The following NCAM2 variants were observed in gnomAD, a reference collection of about 807,000 sequenced individuals.
NCAM2 encodes the protein neural cell adhesion molecule 2.
In NCAM2, 30 loss-of-function variants were observed where a neutral mutation model predicts 98.1. That is an observed-to-expected ratio of 0.31 (90% CI 0.23 to 0.41). The LOEUF (loss-of-function observed/expected upper bound fraction) is 0.41, where lower values mean the gene tolerates loss of function less well. NCAM2 is among the 10% of genes least tolerant of loss of function. NCAM2 has a pLI of 1.00. For missense variants in NCAM2, 867 were observed against 1,005.8 expected (o/e 0.86, Z 1.87); for synonymous variants, 368 against 342.4 (o/e 1.07, Z -0.83).
intron 1 of NCAM2, among the ~76,000 whole-genome samples, chr21:21,178,989 C>T (rs1323538589): frequency 2.0e-5 from 3 of 151,904 alleles, no homozygotes; most frequent in African/African-American, 7.3e-5. Flanking sequence ...GAGATGAAAG[C>T]TCATAATATT....
intron 1 of NCAM2, among the ~76,000 whole-genome samples, chr21:21,112,741 G>C (rs1451716170): frequency 6.6e-6 from 1 of 152,118 alleles, no homozygotes; most frequent in African/African-American, 2.4e-5. Flanking sequence ...AGATCATAAA[G>C]AATGCCCCAT....
chr21:21,484,318 A>C (rs1384187274), intron 15 of NCAM2, among the ~76,000 whole-genome samples: 1 of 152,116 alleles, frequency 6.6e-6, no homozygotes, highest in Non-Finnish European at 1.5e-5. Context: ...CTTTGTGTAA[A>C]TCTTGCATTA....
intron 1 of NCAM2, among the ~76,000 whole-genome samples, chr21:21,264,943 G>GTA (rs554315782): frequency 2.4e-4 from 2 of 8,420 alleles, no homozygotes; most frequent in Admixed American, 1.2e-3. Context: ...ATATGTGTGT[G>GTA]TATATATATG....
chr21:21,192,118 T>C (rs187191980), intron 1 of NCAM2, among the ~76,000 whole-genome samples: 1,537 of 151,916 alleles, frequency 0.01, 18 homozygotes, highest in Middle Eastern at 0.031. Flanking sequence ...AGCTACCCGG[T>C]AGGCTGAAGC....
At chr21:21,452,565 G>A (rs1381217371) in intron 12 of NCAM2, among the ~76,000 whole-genome samples, 1 of 95,830 alleles carries the variant, frequency 1.0e-5, no homozygotes, top group African/African-American at 3.8e-5. Context: ...ACTATATATA[G>A]TATATATATT....
chr21:21,465,101 T>G (rs1212978553), intron 12 of NCAM2, among the ~76,000 whole-genome samples: 1 of 152,144 alleles, frequency 6.6e-6, no homozygotes, highest in Non-Finnish European at 1.5e-5. Context: ...TTTAATTTTT[T>G]TTGTTGATTT....
intron 8 of NCAM2, among the ~76,000 whole-genome samples, chr21:21,352,787 C>A (rs1468856544): frequency 1.4e-5 from 2 of 146,098 alleles, no homozygotes; most frequent in Non-Finnish European, 3.0e-5. Context: ...GCACATGTAC[C>A]CTAAAACTTA....
chr21:21,279,005 A>G (rs2072831489), intron 1 of NCAM2, among the ~76,000 whole-genome samples: 1 of 152,100 alleles, frequency 6.6e-6, no homozygotes, highest in African/African-American at 2.4e-5. Context: ...ATGTCAGACT[A>G]CACCCCCAGA....
At chr21:21,464,444 T>A (rs907691957) in intron 12 of NCAM2, among the ~76,000 whole-genome samples, 3 of 152,130 alleles carry the variant, frequency 2.0e-5, no homozygotes, top group Admixed American at 1.3e-4. Context: ...TTATCTGATT[T>A]AATTAATAAA....
intron 8 of NCAM2, among the ~76,000 whole-genome samples, chr21:21,369,481 G>A (rs1437478917): frequency 1.3e-5 from 2 of 151,406 alleles, no homozygotes; most frequent in Admixed American, 6.6e-5. Context: ...ATTTCTCTTT[G>A]GAATGTAATT....
intron 16 of NCAM2, among the ~76,000 whole-genome samples, chr21:21,523,521 A>G (rs1256158799): frequency 6.6e-6 from 1 of 151,598 alleles, no homozygotes; most frequent in Admixed American, 6.6e-5. Context: ...TAAATTAAAA[A>G]CTTTTACTTT....
chr21:21,263,736 T>C (rs144288801), intron 1 of NCAM2, among the ~76,000 whole-genome samples: 61 of 152,174 alleles, frequency 4.0e-4, no homozygotes, highest in African/African-American at 1.4e-3. Context: ...TTCTCAAAGT[T>C]GACAAAAATA....
chr21:21,489,416 C>T (rs540647208), intron 15 of NCAM2, among the ~76,000 whole-genome samples: 206 of 151,792 alleles, frequency 1.4e-3, no homozygotes, highest in African/African-American at 4.6e-3. Context: ...TCTTTCTCTC[C>T]ATTTCTCTCT....
In NCAM2 at chr21:21,410,423, T is replaced by C; in HGVS notation, c.1345T>C (p.Leu449=). Residue 449 remains leucine (L), a synonymous_variant, in exon 10 of 18, where the codon TTA becomes CTA. Coordinates refer to ENST00000400546, the MANE Select transcript of NCAM2 (RefSeq NM_004540.5). ...LVLPAKNTTN[L]KTYSTGRKMI... ...CTTACCTGCTAAAAACACGACCAAT[T>C]TAAAGACTTATAGTACAGGAAGAAA... The C allele has an allele frequency of 6.3e-7, 1 of 1,589,976 alleles. No individual in the cohort carries two copies.
chr21:21,267,293 A>G (rs1451925712), intron 1 of NCAM2, among the ~76,000 whole-genome samples: 2 of 152,202 alleles, frequency 1.3e-5, no homozygotes, highest in Non-Finnish European at 1.5e-5. Flanking sequence ...TTTAGTACAC[A>G]ATGTTCTTCA....
At chr21:21,040,560 A>G (rs2064884301) in intron 1 of NCAM2, among the ~76,000 whole-genome samples, 1 of 152,158 alleles carries the variant, frequency 6.6e-6, no homozygotes, top group African/African-American at 2.4e-5. Context: ...GTAGATGAAC[A>G]GAAAATATGG....
chr21:21,534,429 G>T, intron 16 of NCAM2, 108 bp from the exon 17 acceptor site: 1 of 917,822 alleles, frequency 1.1e-6, no homozygotes, highest in Non-Finnish European at 1.5e-6. Flanking sequence ...TAACCAAGTT[G>T]GATTTATTTG....
intron 1 of NCAM2, among the ~76,000 whole-genome samples, chr21:21,061,038 T>C (rs2065310986): frequency 6.6e-6 from 1 of 152,010 alleles, no homozygotes; most frequent in African/African-American, 2.4e-5. Context: ...AAGGTATAAG[T>C]TTGCTGAGAG....
intron 2 of NCAM2, among the ~76,000 whole-genome samples, chr21:21,280,979 C>T (rs570310118): frequency 9.9e-5 from 15 of 151,784 alleles, no homozygotes; most frequent in Admixed American, 2.0e-4. Context: ...GTAGTAGAGA[C>T]GGGGTTTCAC....
Sources: gnomAD v4.1 joint callset for allele counts (sites outside exome capture counted in the v4.1 genomes callset) on GRCh38, gnomAD v4.1.1 for gene constraint, MANE v1.5 for transcripts, NCBI Gene and HGNC (gene_info 2026-07-23, HGNC 2026-07-21) for gene names.